Variants in CHIC2 observed in about 807,000 individuals in gnomAD.
The protein encoded by CHIC2 is cysteine-rich hydrophobic domain-containing protein 2.
A neutral mutation model predicts 25.9 loss-of-function variants in CHIC2; 14 were observed. The observed-to-expected ratio is 0.54, with a 90% confidence interval of 0.36 to 0.85. The LOEUF (loss-of-function observed/expected upper bound fraction) is 0.85, where lower values mean the gene tolerates loss of function less well. Among genes scored for constraint, CHIC2 ranks in the 40% least tolerant of loss-of-function variants. CHIC2 has a pLI of 0.01. For synonymous variants in CHIC2, 70 were observed against 72.0 expected (o/e 0.97, Z 0.14); for missense variants, 146 against 202.0 (o/e 0.72, Z 1.68).
chr4:54,075,430 A>G, the CHIC2 span, among the ~76,000 whole-genome samples: 1 of 152,228 alleles, frequency 6.6e-6, no homozygotes, highest in Non-Finnish European at 1.5e-5. Flanking sequence ...TTATCTTTTT[A>G]TGCTGTAGTT....
chr4:54,041,267 T>C (rs1388558298), intron 3 of CHIC2, among the ~76,000 whole-genome samples: 2 of 151,876 alleles, frequency 1.3e-5, no homozygotes, highest in Non-Finnish European at 2.9e-5. Context: ...CTGATTTGTC[T>C]TAGAGTCTGA....
chr4:54,082,622 C>G, the CHIC2 span, among the ~76,000 whole-genome samples: 1 of 152,188 alleles, frequency 6.6e-6, no homozygotes, highest in African/African-American at 2.4e-5. Context: ...TAACTCTAAT[C>G]TCATATTCAT....
intron 3 of CHIC2, 54 bp downstream of exon 3, chr4:54,048,901 C>T (rs906591372): frequency 1.4e-6 from 2 of 1,384,152 alleles, no homozygotes; most frequent in Non-Finnish European, 1.9e-6. Context: ...TAGATAAATG[C>T]AAGACTTGCT....
upstream of CHIC2, chr4:54,064,780 C>G (rs947704405): frequency 4.6e-6 from 2 of 432,058 alleles, no homozygotes; most frequent in African/African-American, 4.3e-5. The surrounding 1 kb of genome is among the most constrained non-coding windows in gnomAD (Gnocchi z 4.2). Context: ...CGTCTTTCCT[C>G]TGCTTCTACC....
Position 54,014,066 on chromosome 4 carries a change from G to C in CHIC2, c.384C>G (p.His128Gln), listed in dbSNP as rs1715670954. The C allele has an allele frequency of 1.2e-6, 2 of 1,613,146 alleles. No individual in the cohort carries two copies. Among genetic ancestry groups the C allele is most frequent in the Non-Finnish European group, 1.7e-6 (2 of 1,179,338 alleles). The change falls in exon 4 of 6, where the codon CAC becomes CAG. Residue 128 changes from histidine to glutamine, a missense_variant. His to Gln is a conservative substitution (Grantham distance 24). Coordinates refer to ENST00000263921, the MANE Select transcript of CHIC2 (RefSeq NM_012110.4). Reference sequence around the variant, plus strand: ...AGCTGCTCCCTGTGGTACTCACCTTGTGGTATAACCTATTGTTTTCCCATT... The same window carrying C: ...AGCTGCTCCCTGTGGTACTCACCTTCTGGTATAACCTATTGTTTTCCCATT... ...LLEWENNRLY[H>Q]KLCLHWRLSK...
chr4:54,027,742 C>T (rs777827415), intron 3 of CHIC2, among the ~76,000 whole-genome samples: 3 of 152,166 alleles, frequency 2.0e-5, no homozygotes, highest in Non-Finnish European at 4.4e-5. Context: ...ATGGGACATG[C>T]ACTCATTACA....
At chr4:54,056,639 C>G (rs1302385598) in intron 1 of CHIC2, among the ~76,000 whole-genome samples, 1 of 151,994 alleles carries the variant, frequency 6.6e-6, no homozygotes, top group Non-Finnish European at 1.5e-5. Flanking sequence ...CTTTTTTTAT[C>G]AATCAAAATA....
intron 3 of CHIC2, among the ~76,000 whole-genome samples, chr4:54,037,811 G>A (rs1009413819): frequency 6.6e-6 from 1 of 151,924 alleles, no homozygotes; most frequent in Non-Finnish European, 1.5e-5. Context: ...GATAATCCAT[G>A]ACTCAGAGAG....
the CHIC2 span, among the ~76,000 whole-genome samples, chr4:54,072,239 T>C: frequency 6.6e-6 from 1 of 151,780 alleles, no homozygotes; most frequent in Non-Finnish European, 1.5e-5. Context: ...GAAGGGGAGC[T>C]TGCAGTGAGC....
the CHIC2 span, among the ~76,000 whole-genome samples, chr4:54,074,353 T>C: frequency 6.6e-6 from 1 of 152,182 alleles, no homozygotes; most frequent in Non-Finnish European, 1.5e-5. Flanking sequence ...CCTGAATGCA[T>C]GCTGAGAAAA....
intron 3 of CHIC2, among the ~76,000 whole-genome samples, chr4:54,046,454 T>C (rs1193148136): frequency 1.3e-5 from 2 of 151,972 alleles, no homozygotes; most frequent in African/African-American, 4.8e-5. Context: ...AAAACAGATA[T>C]AGACCAATGG....
intron 1 of CHIC2, among the ~76,000 whole-genome samples, chr4:54,061,821 T>C (rs1475831675): frequency 6.6e-6 from 1 of 152,128 alleles, no homozygotes; most frequent in Non-Finnish European, 1.5e-5. Context: ...CTTATTGTCA[T>C]CAAAATACTT....
At chr4:54,014,021 T>A (rs550225439) in intron 4 of CHIC2, 42 bp downstream of exon 4, 5 of 1,606,448 alleles carry the variant, frequency 3.1e-6, no homozygotes, top group Non-Finnish European at 4.3e-6. Context: ...TACTGTGCAA[T>A]TCAGACCCCA....
At chr4:54,077,419 C>T in the CHIC2 span, among the ~76,000 whole-genome samples, 9 of 152,144 alleles carry the variant, frequency 5.9e-5, no homozygotes, top group Non-Finnish European at 1.3e-4. Context: ...AGCCATATTG[C>T]AGTGCAGTGG....
In CHIC2 at chr4:54,010,000, G is replaced by A. The variant is rs1468983284; in HGVS notation, c.*95C>T. ...AACAAAAAAAACACCACACGATTCT[G>A]TAGAACCAATGTTATGTCACCACCA... On this transcript the variant is annotated 3_prime_UTR_variant, in exon 6 of 6. Transcript: ENST00000263921. 4.0e-6 allele frequency: 3 copies of A among 742,738 alleles called. No individual in the cohort carries two copies. Among genetic ancestry groups the A allele is most frequent in the Non-Finnish European group, 6.7e-6 (3 of 448,046 alleles). 46.0% of individuals were successfully genotyped at this position (742,738 alleles called of 1,614,324 possible). A position where few individuals can be genotyped will look rare whatever the true frequency, so the allele number is the denominator to read the frequency against.
At chr4:54,058,165 C>T (rs1462481731) in intron 1 of CHIC2, among the ~76,000 whole-genome samples, 2 of 152,058 alleles carry the variant, frequency 1.3e-5, no homozygotes, top group East Asian at 3.9e-4. Context: ...GACTGACTTC[C>T]CACAAAATGG....
intron 1 of CHIC2, among the ~76,000 whole-genome samples, chr4:54,055,912 T>TG (rs1717161395): frequency 6.6e-6 from 1 of 152,190 alleles, no homozygotes; most frequent in African/African-American, 2.4e-5. Context: ...ACCCTGGAGT[T>TG]GGAGACGTAT....
At chr4:54,070,040 T>C in the CHIC2 span, among the ~76,000 whole-genome samples, 144 of 152,318 alleles carry the variant, frequency 9.5e-4, 1 homozygote, top group Admixed American at 5.4e-3. Flanking sequence ...CCTAACTCAC[T>C]CCAAGAAATC....
intron 1 of CHIC2, among the ~76,000 whole-genome samples, chr4:54,056,894 C>T (rs986106048): frequency 6.6e-6 from 1 of 152,100 alleles, no homozygotes; most frequent in Non-Finnish European, 1.5e-5. Context: ...ATCACATTTA[C>T]GAGGGTTCCC....
Sources: allele counts gnomAD v4.1 joint callset (sites outside exome capture counted in the v4.1 genomes callset), GRCh38; gene constraint gnomAD v4.1.1; non-coding constraint Gnocchi (gnomAD v3.1); transcripts MANE v1.5; gene names NCBI Gene and HGNC (gene_info 2026-07-23, HGNC 2026-07-21).